CHST9: variants seen among roughly 807,000 people sequenced by gnomAD.
CHST9 encodes GalNAc-4-sulfotransferase 2.
A neutral mutation model predicts 44.4 loss-of-function variants in CHST9; 41 were observed. That is an observed-to-expected ratio of 0.92 (90% CI 0.72 to 1.20). The LOEUF is 1.20. CHST9 is among the 50% of genes most tolerant of loss of function. The pLI is 0.00. For synonymous variants in CHST9, 171 were observed against 178.4 expected, an observed-to-expected ratio of 0.96 and a Z score of 0.33; for missense variants, 504 against 516.5, an observed-to-expected ratio of 0.98 and a Z score of 0.23.
intron 2 of CHST9, among the ~76,000 whole-genome samples, chr18:27,077,595 C>T (rs1314255968): frequency 6.6e-6 from 1 of 152,024 alleles, no homozygotes; most frequent in African/African-American, 2.4e-5. Flanking sequence ...GTTTTTGCAA[C>T]TAAGAAATAA....
chr18:27,124,903 T>C (rs1256790354), intron 2 of CHST9, among the ~76,000 whole-genome samples: 1 of 152,206 alleles, frequency 6.6e-6, no homozygotes, highest in Non-Finnish European at 1.5e-5. Context: ...GGCAGAGTGA[T>C]AATAAGCAGC....
chr18:27,071,978 A>G (rs2057845617), intron 2 of CHST9, among the ~76,000 whole-genome samples: 2 of 152,082 alleles, frequency 1.3e-5, no homozygotes, highest in African/African-American at 2.4e-5. Flanking sequence ...TGTCTTTTCT[A>G]TTTGACGGTG....
intron 1 of CHST9, among the ~76,000 whole-genome samples, chr18:27,148,695 G>A (rs1457698442): frequency 6.8e-6 from 1 of 147,816 alleles, no homozygotes; most frequent in Non-Finnish European, 1.5e-5. Flanking sequence ...CTTTGCTATT[G>A]TGAATAGTGC....
intron 4 of CHST9, among the ~76,000 whole-genome samples, chr18:27,014,958 G>C (rs1452357624): frequency 6.6e-6 from 1 of 151,934 alleles, no homozygotes; most frequent in African/African-American, 2.4e-5. Context: ...GGGTCACCAA[G>C]GACTCTGCCC....
intron 2 of CHST9, among the ~76,000 whole-genome samples, chr18:27,053,517 T>C (rs563681950): frequency 1.6e-4 from 25 of 152,264 alleles, no homozygotes; most frequent in Admixed American, 8.5e-4. Context: ...TATCTTCTCC[T>C]TTCTCACTGC....
In CHST9 at chr18:26,996,931, C is replaced by T. The variant is rs553314211; in HGVS notation, c.202+27185G>A. Among the ~76,000 whole-genome samples, 7 of 152,186 alleles carry T rather than the reference C, an allele frequency of 4.6e-5. No individual in the cohort carries two copies. The South Asian group carries it at 1.5e-3, about 32-fold the overall frequency. On this transcript the variant is annotated intron_variant, in intron 4 of 5. Coordinates refer to ENST00000618847, the MANE Select transcript of CHST9 (RefSeq NM_031422.6). ...ATTTCCTCTATCGTCAGCAATAATC[C>T]TTTGTATTTTAAACACATGTCCCAC...
intron 1 of CHST9, among the ~76,000 whole-genome samples, chr18:27,157,993 T>C (rs2058711312): frequency 6.6e-6 from 1 of 152,072 alleles, no homozygotes; most frequent in African/African-American, 2.4e-5. Flanking sequence ...TACTCCCTCA[T>C]CAAACCTCTC....
intron 4 of CHST9, among the ~76,000 whole-genome samples, chr18:27,004,569 C>T (rs1010714284): frequency 1.3e-5 from 2 of 152,058 alleles, no homozygotes; most frequent in Admixed American, 6.6e-5. Flanking sequence ...AAGACATATG[C>T]TACTAATTGT....
chr18:26,919,613 C>T (rs1326456193), intron 5 of CHST9, among the ~76,000 whole-genome samples: 28 of 152,144 alleles, frequency 1.8e-4, no homozygotes, highest in Admixed American at 1.4e-3. Context: ...TTTAAAGCCT[C>T]CCCATTTGTC....
chr18:27,171,832 G>A (rs1000291626), intron 1 of CHST9, among the ~76,000 whole-genome samples: 1 of 152,096 alleles, frequency 6.6e-6, no homozygotes, highest in African/African-American at 2.4e-5. Flanking sequence ...TCTGAAGATA[G>A]GTTTTATAGT....
intron 5 of CHST9, among the ~76,000 whole-genome samples, chr18:26,926,855 A>G (rs1345329999): frequency 3.3e-5 from 5 of 152,244 alleles, no homozygotes; most frequent in Middle Eastern, 3.2e-3. Context: ...GCAAAACCCA[A>G]TAAATTATAT....
intron 2 of CHST9, among the ~76,000 whole-genome samples, chr18:27,097,705 T>C (rs893198672): frequency 1.3e-5 from 2 of 152,162 alleles, no homozygotes; most frequent in African/African-American, 2.4e-5. Context: ...CTAGGGTTTT[T>C]ATGGTTTGGG....
At chr18:27,001,315 C>T (rs550154854) in intron 4 of CHST9, among the ~76,000 whole-genome samples, 1 of 152,284 alleles carries the variant, frequency 6.6e-6, no homozygotes, top group African/African-American at 2.4e-5. Context: ...ATTCTATTCC[C>T]TTGGAAAAGA....
At chr18:26,962,218 G>C (rs2056409097) in intron 4 of CHST9, among the ~76,000 whole-genome samples, 1 of 151,584 alleles carries the variant, frequency 6.6e-6, no homozygotes, top group Non-Finnish European at 1.5e-5. Flanking sequence ...TGACTCTCCT[G>C]TTACTAACCT....
chr18:26,968,995 G>T (rs2056501951), intron 4 of CHST9, among the ~76,000 whole-genome samples: 1 of 133,498 alleles, frequency 7.5e-6, no homozygotes, highest in East Asian at 2.3e-4. Context: ...TTGAATTTAT[G>T]CAGTCTTTTT....
At chr18:27,044,693 T>C (rs966596747) in intron 3 of CHST9, among the ~76,000 whole-genome samples, 2 of 151,980 alleles carry the variant, frequency 1.3e-5, no homozygotes, top group Admixed American at 6.6e-5. Context: ...TGATAGTGTA[T>C]AGGAACTATG....
intron 4 of CHST9, among the ~76,000 whole-genome samples, chr18:27,003,741 C>T (rs1174857942): frequency 6.6e-6 from 1 of 152,112 alleles, no homozygotes; most frequent in Non-Finnish European, 1.5e-5. Flanking sequence ...TTGGGTATCA[C>T]ATGGACAAAA....
intron 4 of CHST9, among the ~76,000 whole-genome samples, chr18:26,998,929 G>A (rs910598926): frequency 3.3e-5 from 5 of 152,266 alleles, no homozygotes; most frequent in South Asian, 2.1e-4. Flanking sequence ...AGTGAGGTGC[G>A]TTGTCCATGG....
intron 4 of CHST9, among the ~76,000 whole-genome samples, chr18:27,006,485 T>A (rs2057017343): frequency 1.3e-5 from 2 of 152,230 alleles, no homozygotes; most frequent in African/African-American, 4.8e-5. Context: ...TAATGCTGTT[T>A]GGCCTGTTTA....
Sources: gnomAD v4.1 joint callset for allele counts (sites outside exome capture counted in the v4.1 genomes callset) on GRCh38, gnomAD v4.1.1 for gene constraint, MANE v1.5 for transcripts, NCBI Gene and HGNC (gene_info 2026-07-23, HGNC 2026-07-21) for gene names.